FLI1: variants seen among roughly 807,000 people sequenced by gnomAD.
FLI1 encodes the protein Fli-1 proto-oncogene, ETS transcription factor, also known as Friend leukemia integration 1 transcription factor.
Under a neutral mutation model 53.1 loss-of-function variants are expected in FLI1, and 13 were observed. The ratio of observed to expected loss-of-function variants is 0.24; its 90% CI spans 0.16 to 0.39. The LOEUF (loss-of-function observed/expected upper bound fraction) is 0.39, where lower values mean the gene tolerates loss of function less well. Among genes scored for constraint, FLI1 ranks in the 10% least tolerant of loss-of-function variants. FLI1 has a pLI of 1.00. For missense variants in FLI1, 424 were observed against 600.5 expected, an observed-to-expected ratio of 0.71 and a Z score of 3.07; for synonymous variants, 244 against 236.7, an observed-to-expected ratio of 1.03 and a Z score of -0.28.
rs1942901711 is a variant in FLI1 at position 128,810,176 on chromosome 11, G to A, written c.830-283G>A. Among the ~76,000 whole-genome samples, 2 of 151,984 alleles carry A rather than the reference G, an allele frequency of 1.3e-5. No individual in the cohort carries two copies. Among genetic ancestry groups the A allele is most frequent in the Admixed American group, 1.3e-4 (2 of 15,250 alleles). On this transcript the variant is annotated intron_variant, in intron 8 of 8. Coordinates refer to ENST00000527786, the MANE Select transcript of FLI1 (RefSeq NM_002017.5). The surrounding 1 kb of genome is among the most constrained non-coding windows in gnomAD (Gnocchi z 6.6). Reference sequence around the variant, plus strand: ...GATATGGCTCACCCAAGATCACACAGCTAGTTCTGGGCAGAGTTTGCACCT... The same window carrying A: ...GATATGGCTCACCCAAGATCACACAACTAGTTCTGGGCAGAGTTTGCACCT...
At chr11:128,745,451 G>A (rs761847110) in intron 1 of FLI1, among the ~76,000 whole-genome samples, 11 of 152,158 alleles carry the variant, frequency 7.2e-5, no homozygotes, top group Non-Finnish European at 1.5e-4. Flanking sequence ...TATGCCCCGA[G>A]CCACAAAAGA....
chr11:128,810,455 G>T lies in FLI1; in HGVS notation c.830-4G>T. Reference sequence around the variant, plus strand: ...TTCTCTCCCGTTTGCCTCACGGCGTGCAGGAAGCGGGCAGATCCAGCTGTG... The same window carrying T: ...TTCTCTCCCGTTTGCCTCACGGCGTTCAGGAAGCGGGCAGATCCAGCTGTG... On this transcript the variant is annotated splice_polypyrimidine_tract_variant and splice_region_variant and intron_variant, in intron 8 of 8. Coordinates refer to ENST00000527786, the MANE Select transcript of FLI1 (RefSeq NM_002017.5). The surrounding 1 kb of genome is among the most constrained non-coding windows in gnomAD (Gnocchi z 6.6). 1 of 1,587,790 alleles carries T rather than the reference G, an allele frequency of 6.3e-7. No homozygotes were observed.
At chr11:128,710,873 T>C (rs1938757687) in intron 1 of FLI1, among the ~76,000 whole-genome samples, 1 of 152,246 alleles carries the variant, frequency 6.6e-6, no homozygotes, top group Non-Finnish European at 1.5e-5. Context: ...TGTAGGAAAC[T>C]CTGTAACAGA....
At chr11:128,725,675 TTTG>T (rs1345571945) in intron 1 of FLI1, among the ~76,000 whole-genome samples, 1 of 150,042 alleles carries the variant, frequency 6.7e-6, no homozygotes, top group Non-Finnish European at 1.5e-5. Context: ...TGTGTGTGTG[TTTG>T]TGTGTGTGTG....
chr11:128,812,228 C>T lies in FLI1; in HGVS notation c.*1240C>T, dbSNP rs562763921. On this transcript the variant is annotated 3_prime_UTR_variant, in exon 9 of 9. Coordinates refer to ENST00000527786, the MANE Select transcript of FLI1 (RefSeq NM_002017.5). ...ATAATCACAGCTCTGGGAAAAACAA[C>T]GAAACTTTCCCTTGTGGAGAGGAGG... 36 of 218,456 alleles carry T rather than the reference C, an allele frequency of 1.6e-4. No individual in the cohort carries two copies. Among genetic ancestry groups the T allele is most frequent in the Admixed American group, 8.7e-4 (15 of 17,282 alleles). 13.5% of individuals were successfully genotyped at this position (218,456 alleles called of 1,614,324 possible). A position where few individuals can be genotyped will look rare whatever the true frequency, so the allele number is the denominator to read the frequency against.
intron 5 of FLI1, among the ~76,000 whole-genome samples, chr11:128,800,460 G>T (rs542372159): frequency 6.6e-6 from 1 of 152,290 alleles, no homozygotes; most frequent in South Asian, 2.1e-4. Context: ...GGACGTTTGG[G>T]CTTTCAGACA....
intron 7 of FLI1, among the ~76,000 whole-genome samples, chr11:128,808,675 CT>C (rs571309180): frequency 1.3e-5 from 2 of 152,090 alleles, no homozygotes; most frequent in Non-Finnish European, 2.9e-5. Flanking sequence ...CACATAGCTG[CT>C]GCTAAAACCC....
At chr11:128,699,323 TAGAA>T (rs1938222344) in intron 1 of FLI1, among the ~76,000 whole-genome samples, 3 of 152,308 alleles carry the variant, frequency 2.0e-5, no homozygotes, top group East Asian at 1.9e-4. Flanking sequence ...GCCAAAAAAA[TAGAA>T]AGAAAGAAAA....
At chr11:128,718,110 C>T (rs1345056492) in intron 1 of FLI1, among the ~76,000 whole-genome samples, 1 of 152,220 alleles carries the variant, frequency 6.6e-6, no homozygotes, top group Non-Finnish European at 1.5e-5. Context: ...ACAGCACCAG[C>T]AAGACTAACT....
intron 5 of FLI1, among the ~76,000 whole-genome samples, chr11:128,794,224 C>T (rs1356620449): frequency 1.3e-5 from 2 of 152,128 alleles, no homozygotes; most frequent in Non-Finnish European, 2.9e-5. Flanking sequence ...AAGTGATCCC[C>T]GTTGGCCATT....
intron 1 of FLI1, among the ~76,000 whole-genome samples, chr11:128,755,168 T>C (rs1940812549): frequency 6.6e-6 from 1 of 152,194 alleles, no homozygotes; most frequent in Non-Finnish European, 1.5e-5. Flanking sequence ...CTCCTTAGGA[T>C]AATGATGGGA....
At chr11:128,688,151 C>T (rs1212307576) in intron 1 of FLI1, among the ~76,000 whole-genome samples, 2 of 152,218 alleles carry the variant, frequency 1.3e-5, no homozygotes, top group East Asian at 1.9e-4. Context: ...CTCTCTCCCA[C>T]TCATAGGAAC....
At chr11:128,767,973 G>C in intron 2 of FLI1, 145 bp from the exon 3 acceptor site, 1 of 657,958 alleles carries the variant, frequency 1.5e-6, no homozygotes, top group Non-Finnish European at 2.6e-6. Flanking sequence ...GATAGAAAGA[G>C]GGCATCATCA....
chr11:128,747,830 C>G (rs554444212), intron 1 of FLI1, among the ~76,000 whole-genome samples: 1 of 152,360 alleles, frequency 6.6e-6, no homozygotes, highest in East Asian at 1.9e-4. Flanking sequence ...GTAAAACACA[C>G]TGTAAAATGT....
Position 128,768,137 on chromosome 11 carries a change from A to T in FLI1, c.250A>T (p.Ser84Cys). 1 of 1,613,342 alleles carries T rather than the reference A, an allele frequency of 6.2e-7. No individual in the cohort carries two copies. The highest frequency in any genetic ancestry group is 8.5e-7 in the Non-Finnish European group (1 of 1,179,546). ...CTTTAGGGAGTCTCCGGTGGACTGC[A>T]GCGTTAGCAAATGCAGCAAGCTGGT... ...NGSRESPVDC[S>C]VSKCSKLVGG... The change falls in exon 3 of 9, where the codon AGC becomes TGC. Residue 84 changes from serine (S) to cysteine (C), a missense_variant. Ser to Cys is a moderately radical substitution (Grantham distance 112, BLOSUM62 -1). Coordinates refer to ENST00000527786, the MANE Select transcript of FLI1 (RefSeq NM_002017.5).
In FLI1 at chr11:128,715,072, C is replaced by T. The variant is rs146550731; in HGVS notation, c.18+20796C>T. On this transcript the variant is annotated intron_variant, in intron 1 of 8. Coordinates refer to ENST00000527786, the MANE Select transcript of FLI1 (RefSeq NM_002017.5). Reference sequence around the variant, plus strand: ...AGGAATCCATCTATCATGACTCGCACGCACCCAGTGAGAAGAACCAAGACA... The same window carrying T: ...AGGAATCCATCTATCATGACTCGCATGCACCCAGTGAGAAGAACCAAGACA... Among the ~76,000 whole-genome samples, 304 of 152,206 alleles carry T rather than the reference C, an allele frequency of 2.0e-3. 2 individuals are homozygous for T. The South Asian group carries it at 0.031, about 16-fold the overall frequency.
chr11:128,784,188 G>T (rs1317379229), intron 5 of FLI1, among the ~76,000 whole-genome samples: 1 of 151,430 alleles, frequency 6.6e-6, no homozygotes, highest in Non-Finnish European at 1.5e-5. Flanking sequence ...TTTAGAAACT[G>T]GTTTAGCCAA....
chr11:128,764,573 G>A (rs1303644238), intron 2 of FLI1: 1 of 1,300,842 alleles, frequency 7.7e-7, no homozygotes, highest in Non-Finnish European at 1.1e-6. Context: ...CAAATTAGCA[G>A]CAGTGCAGGC....
At chr11:128,738,421 C>G (rs1939995639) in intron 1 of FLI1, among the ~76,000 whole-genome samples, 1 of 152,254 alleles carries the variant, frequency 6.6e-6, no homozygotes, top group African/African-American at 2.4e-5. Context: ...GCCCTCTCCA[C>G]CTGACTTCAT....
Sources: gnomAD v4.1 joint callset for allele counts (sites outside exome capture counted in the v4.1 genomes callset) on GRCh38, gnomAD v4.1.1 for gene constraint, Gnocchi (gnomAD v3.1) non-coding constraint, MANE v1.5 for transcripts, NCBI Gene and HGNC (gene_info 2026-07-23, HGNC 2026-07-21) for gene names.